SPAG16: variants seen among roughly 807,000 people sequenced by gnomAD.
SPAG16 encodes the protein sperm associated antigen 16, also known as sperm-associated antigen 16 protein.
A neutral mutation model predicts 80.4 loss-of-function variants in SPAG16; 86 were observed. The ratio of observed to expected loss-of-function variants is 1.07; its 90% CI spans 0.90 to 1.28. SPAG16 has a LOEUF of 1.28. Ranked by LOEUF, SPAG16 falls within the 50% of genes most tolerant of loss-of-function variation. The pLI, the probability that SPAG16 is intolerant of heterozygous loss-of-function variation, is 0.00. For synonymous variants in SPAG16, 294 were observed against 265.9 expected (o/e 1.11, Z -1.03); for missense variants, 870 against 765.3 (o/e 1.14, Z -1.61).
chr2:213,340,201 G>C lies in SPAG16; in HGVS notation c.575G>C (p.Arg192Pro). ...GATTTGCTGAAAATTCAGAAAGAAC[G>C]TGATTTTCATCGAATGCATCATAAG... ...REDLLKIQKE[R>P]DFHRMHHKRI... Residue 192 changes from arginine to proline, a missense_variant, in exon 6 of 16, where the codon CGT (arginine) becomes CCT (proline). Transcript: ENST00000331683. 5 of 1,612,018 alleles carry C rather than the reference G, an allele frequency of 3.1e-6. No individual in the cohort carries two copies. The highest frequency in any genetic ancestry group is 4.2e-6 in the Non-Finnish European group (5 of 1,179,186).
At chr2:213,409,436 T>C (rs545893730) in intron 9 of SPAG16, among the ~76,000 whole-genome samples, 11 of 152,352 alleles carry the variant, frequency 7.2e-5, no homozygotes, top group African/African-American at 1.9e-4. Flanking sequence ...TGTAAAACGT[T>C]AATTGTAAAG....
intron 9 of SPAG16, among the ~76,000 whole-genome samples, chr2:213,476,370 G>A (rs1416889078): frequency 1.3e-5 from 2 of 152,150 alleles, no homozygotes; most frequent in African/African-American, 4.8e-5. Context: ...CCACATGACA[G>A]CTAGAATTCT....
chr2:213,432,463 CACAT>C (rs1490707824), intron 9 of SPAG16, among the ~76,000 whole-genome samples: 1 of 151,958 alleles, frequency 6.6e-6, no homozygotes, highest in African/African-American at 2.4e-5. Context: ...CATGAACAAC[CACAT>C]GTTCATGAAT....
chr2:214,410,101 T>A, intron 15 of SPAG16, 39 bp from the exon 16 acceptor site: 1 of 1,599,120 alleles, frequency 6.3e-7, no homozygotes, highest in East Asian at 2.2e-5. Flanking sequence ...AATAAAACTT[T>A]GATTCATTCT....
intron 15 of SPAG16, among the ~76,000 whole-genome samples, chr2:214,289,790 G>T (rs1486861847): frequency 6.6e-6 from 1 of 152,100 alleles, no homozygotes; most frequent in Non-Finnish European, 1.5e-5. Flanking sequence ...GATAGGAAAT[G>T]CATAGGATCT....
At chr2:214,223,618 C>T (rs1473363750) in intron 15 of SPAG16, among the ~76,000 whole-genome samples, 1 of 151,808 alleles carries the variant, frequency 6.6e-6, no homozygotes, top group East Asian at 1.9e-4. Flanking sequence ...TTAAAAGTAA[C>T]CTAAATTTAA....
chr2:214,084,906 AG>A (rs1310337812), intron 13 of SPAG16, among the ~76,000 whole-genome samples: 16 of 152,228 alleles, frequency 1.1e-4, no homozygotes, highest in Non-Finnish European at 1.8e-4. Flanking sequence ...ATTATATTGA[AG>A]AAGAAGACTG....
rs1175634368 is a variant in SPAG16, at chr2:213,490,208, C to CTAT, written c.1070+119_1070+120insATT. On this transcript the variant is annotated intron_variant, in intron 10 of 15. Coordinates refer to ENST00000331683, the MANE Select transcript of SPAG16 (RefSeq NM_024532.5). ...TGCTTTTAGCCTTTCAAAATTGCTA[C>CTAT]TCATAGCATGAAAGAATCTGCTTAT... The CTAT allele has an allele frequency of 5.2e-6, 5 of 960,374 alleles. No individual in the cohort carries two copies. In the East Asian group the frequency reaches 1.4e-4, roughly 27 times the overall value. 59.5% of individuals were successfully genotyped at this position (960,374 alleles called of 1,614,324 possible). A position where few individuals can be genotyped will look rare whatever the true frequency, so the allele number is the denominator to read the frequency against.
At chr2:214,208,414 T>G (rs1559129606) in intron 15 of SPAG16, among the ~76,000 whole-genome samples, 1 of 152,142 alleles carries the variant, frequency 6.6e-6, no homozygotes, top group Admixed American at 6.5e-5. Flanking sequence ...TCTAGTAGTA[T>G]GGAGAATACT....
chr2:213,795,670 G>A (rs765914978), intron 10 of SPAG16, among the ~76,000 whole-genome samples: 2 of 152,110 alleles, frequency 1.3e-5, no homozygotes, highest in African/African-American at 4.8e-5. Flanking sequence ...TCATGAGGGT[G>A]GATCTTTCAT....
chr2:214,177,816 C>T (rs969067727), intron 15 of SPAG16, among the ~76,000 whole-genome samples: 25 of 145,492 alleles, frequency 1.7e-4, no homozygotes, highest in African/African-American at 6.0e-4. Flanking sequence ...TAAGTTTGTT[C>T]CTATAAGTAA....
At chr2:213,955,037 C>T (rs2044048111) in intron 12 of SPAG16, among the ~76,000 whole-genome samples, 1 of 151,946 alleles carries the variant, frequency 6.6e-6, no homozygotes, top group African/African-American at 2.4e-5. Context: ...GATTTCTTTA[C>T]ATATTTCTTT....
At chr2:213,876,118 T>A (rs892413888) in intron 11 of SPAG16, among the ~76,000 whole-genome samples, 1 of 152,074 alleles carries the variant, frequency 6.6e-6, no homozygotes, top group East Asian at 1.9e-4. Context: ...AGATTTGACA[T>A]TGCGTGAAAG....
At chr2:213,742,397 A>G (rs1049918754) in intron 10 of SPAG16, among the ~76,000 whole-genome samples, 4 of 152,084 alleles carry the variant, frequency 2.6e-5, no homozygotes, top group Non-Finnish European at 5.9e-5. Context: ...TTCTGTTATG[A>G]TACTAACAAG....
chr2:213,979,355 A>G (rs1216534805), intron 12 of SPAG16, among the ~76,000 whole-genome samples: 1 of 152,106 alleles, frequency 6.6e-6, no homozygotes, highest in East Asian at 1.9e-4. Context: ...AAGACAATTG[A>G]AACCTAACCC....
At chr2:213,381,512 C>G (rs1025268850) in intron 9 of SPAG16, among the ~76,000 whole-genome samples, 1 of 152,130 alleles carries the variant, frequency 6.6e-6, no homozygotes, top group African/African-American at 2.4e-5. Flanking sequence ...ATAAACTTTG[C>G]TTAGGAGAAG....
At chr2:213,605,346 AG>A (rs1229396132) in intron 10 of SPAG16, among the ~76,000 whole-genome samples, 1 of 149,814 alleles carries the variant, frequency 6.7e-6, no homozygotes, top group Admixed American at 6.7e-5. Flanking sequence ...AGCTCACTGC[AG>A]GCTCTGCCTT....
chr2:214,045,036 T>C (rs971035481), intron 13 of SPAG16, among the ~76,000 whole-genome samples: 1 of 152,180 alleles, frequency 6.6e-6, no homozygotes, highest in Non-Finnish European at 1.5e-5. Context: ...TGGTGGCACA[T>C]TGACCTACTG....
chr2:214,114,162 G>C (rs1314863636), intron 14 of SPAG16, among the ~76,000 whole-genome samples: 1 of 152,182 alleles, frequency 6.6e-6, no homozygotes, highest in Non-Finnish European at 1.5e-5. Flanking sequence ...AGAGGCTGCA[G>C]AACAGCAAAT....
Sources: allele counts gnomAD v4.1 joint callset (sites outside exome capture counted in the v4.1 genomes callset), GRCh38; gene constraint gnomAD v4.1.1; transcripts MANE v1.5; gene names NCBI Gene and HGNC (gene_info 2026-07-23, HGNC 2026-07-21).